Variants in PKHD1L1 observed in about 807,000 individuals in gnomAD.
The protein encoded by PKHD1L1 is PKHD1 like 1, also known as fibrocystin-L.
A neutral mutation model predicts 462.9 loss-of-function variants in PKHD1L1; 434 were observed. The ratio of observed to expected loss-of-function variants is 0.94; its 90% confidence interval spans 0.87 to 1.02. The LOEUF (loss-of-function observed/expected upper bound fraction) is 1.02. Ranked by LOEUF, PKHD1L1 falls within the 50% of genes least tolerant of loss-of-function variation. PKHD1L1 has a pLI of 0.00. For missense variants in PKHD1L1, 5,202 were observed against 5,096.1 expected (o/e 1.02, Z -0.63); for synonymous variants, 1,781 against 1,750.0 (o/e 1.02, Z -0.44).
At chr8:109,509,998 T>C (rs1819885169) in intron 70 of PKHD1L1, among the ~76,000 whole-genome samples, 1 of 152,120 alleles carries the variant, frequency 6.6e-6, no homozygotes, top group Non-Finnish European at 1.5e-5. Flanking sequence ...TTAAACCTGC[T>C]CAGAAAATGT....
At chr8:109,415,864 GGTGTGTGTGTGTGTGTGT>G (rs552265043) in intron 21 of PKHD1L1, among the ~76,000 whole-genome samples, 1 of 100,408 alleles carries the variant, frequency 1.0e-5, no homozygotes, top group Non-Finnish European at 2.1e-5. Context: ...AAAAAAAAGG[GGTGTGTGTGTGTGTGTGT>G]GTGTGTGTGT....
chr8:109,433,380 A>C (rs966630842), intron 28 of PKHD1L1, among the ~76,000 whole-genome samples, 164 bp downstream of exon 28: 3 of 152,210 alleles, frequency 2.0e-5, no homozygotes, highest in Non-Finnish European at 2.9e-5. Context: ...TGGTCTATAT[A>C]ATGCCTTATC....
At chr8:109,414,910 C>T (rs1198272111) in intron 21 of PKHD1L1, among the ~76,000 whole-genome samples, 1 of 151,632 alleles carries the variant, frequency 6.6e-6, no homozygotes, top group Non-Finnish European at 1.5e-5. Flanking sequence ...GATGCAAAAG[C>T]TGCTGCTCAA....
intron 39 of PKHD1L1, 69 bp from the exon 40 acceptor site, chr8:109,449,269 A>C: frequency 7.1e-7 from 1 of 1,404,510 alleles, no homozygotes; most frequent in South Asian, 1.6e-5. Flanking sequence ...AATAAAGGTA[A>C]AAAATATGTA....
intron 48 of PKHD1L1, among the ~76,000 whole-genome samples, chr8:109,462,388 C>T (rs1157147548): frequency 1.3e-5 from 2 of 152,130 alleles, no homozygotes. Flanking sequence ...AAGTCCATCC[C>T]ATAGGAATCA....
At chr8:109,378,218 A>G (rs139301606) in intron 2 of PKHD1L1, among the ~76,000 whole-genome samples, 1 of 152,194 alleles carries the variant, frequency 6.6e-6, no homozygotes, top group Non-Finnish European at 1.5e-5. Flanking sequence ...CATTTATCCC[A>G]TTATTTATCC....
chr8:109,373,785 G>A (rs1364227497), intron 2 of PKHD1L1, among the ~76,000 whole-genome samples: 4 of 152,162 alleles, frequency 2.6e-5, no homozygotes, highest in African/African-American at 9.7e-5. Context: ...TCAGGAGCAG[G>A]TTGTTCAGTT....
chr8:109,429,653 G>C (rs1265229723), intron 26 of PKHD1L1, among the ~76,000 whole-genome samples, 191 bp downstream of exon 26: 2 of 152,052 alleles, frequency 1.3e-5, no homozygotes, highest in African/African-American at 4.8e-5. Flanking sequence ...TGATAAAATA[G>C]TAGATTTTTT....
chr8:109,418,473 T>C (rs1342695192), intron 21 of PKHD1L1, among the ~76,000 whole-genome samples: 1 of 152,232 alleles, frequency 6.6e-6, no homozygotes, highest in South Asian at 2.1e-4. Flanking sequence ...GAAATACTTA[T>C]ATATGTGTTA....
intron 77 of PKHD1L1, among the ~76,000 whole-genome samples, chr8:109,527,346 AT>A (rs1820869741): frequency 6.6e-6 from 1 of 151,852 alleles, no homozygotes; most frequent in Non-Finnish European, 1.5e-5. Context: ...TACTAAAAAT[AT>A]AAAAAAATTA....
chr8:109,378,681 C>T (rs1202548105), intron 2 of PKHD1L1, among the ~76,000 whole-genome samples: 1 of 152,154 alleles, frequency 6.6e-6, no homozygotes, highest in East Asian at 1.9e-4. Flanking sequence ...CTATCAGCCT[C>T]TCTGGTAGGC....
chr8:109,426,678 C>T (rs917343659), intron 24 of PKHD1L1, among the ~76,000 whole-genome samples: 5 of 151,854 alleles, frequency 3.3e-5, no homozygotes, highest in East Asian at 1.9e-4. Flanking sequence ...TTTTTTGAGA[C>T]GGAGTCTCGC....
Position 109,381,454 on chromosome 8 carries a change from C to T in PKHD1L1, c.248C>T (p.Ser83Leu). The T allele has an allele frequency of 6.3e-7, 1 of 1,583,774 alleles. No homozygotes were observed. Among genetic ancestry groups the T allele is most frequent in the Non-Finnish European group, 8.6e-7 (1 of 1,162,544 alleles). Residue 83 changes from serine (S) to leucine (L), a missense_variant, in exon 3 of 78, where the codon TCA (serine) becomes TTA (leucine). This residue lies in a region of PKHD1L1 where 4,497 missense variants were observed against 4,336.8 expected (regional missense o/e 1.04). Transcript: ENST00000378402. ...GTGCAATTAATTTCTTCTTTCCAGT[C>T]AATTACTTGTGATGTAGAAAAAGAT... ...NSVQLISSFQ[S>L]ITCDVEKDAS... is the part of the protein sequence containing the mutation.
chr8:109,499,786 A>C (rs1819308604), intron 67 of PKHD1L1, among the ~76,000 whole-genome samples: 1 of 152,224 alleles, frequency 6.6e-6, no homozygotes, highest in African/African-American at 2.4e-5. Context: ...GGGAAGGAAG[A>C]GAACAGGGCA....
Position 109,440,800 on chromosome 8 carries a change from C to T in PKHD1L1, c.4047C>T (p.Thr1349=). 1 of 1,612,994 alleles carries T rather than the reference C, an allele frequency of 6.2e-7. No individual in the cohort carries two copies. The highest frequency in any genetic ancestry group is 2.2e-5 in the East Asian group (1 of 44,786). The change falls in exon 33 of 78, where the codon ACC becomes ACT. Residue 1349 remains threonine, a synonymous_variant. Coordinates refer to ENST00000378402, the MANE Select transcript of PKHD1L1 (RefSeq NM_177531.6). ...RGSLFGGTEI[T]IRGFGFSTIP... is the part of the protein sequence containing the mutation. ...CCTTGTTTGGTGGAACTGAAATCACCATAAGGGGTTTTGGATTCAGCACAA... is the reference window on the plus strand; with the variant it reads ...CCTTGTTTGGTGGAACTGAAATCACTATAAGGGGTTTTGGATTCAGCACAA...
chr8:109,471,201 C>T (rs760372672), intron 50 of PKHD1L1: 1 of 906,812 alleles, frequency 1.1e-6, no homozygotes, highest in Non-Finnish European at 1.6e-6. Context: ...TCATTTTTTA[C>T]TTGAATCAGA....
chr8:109,439,178 T>G, intron 32 of PKHD1L1, 86 bp downstream of exon 32: 1 of 1,242,702 alleles, frequency 8.0e-7, no homozygotes. Context: ...GGCATTAAGC[T>G]TTAGGTGTTA....
intron 47 of PKHD1L1, among the ~76,000 whole-genome samples, chr8:109,460,205 G>A (rs1049391929): frequency 6.6e-6 from 1 of 151,988 alleles, no homozygotes; most frequent in Admixed American, 6.6e-5. Flanking sequence ...AATATTGTCA[G>A]CAAGAAACTG....
At position 109,522,814 on chromosome 8, in the gene PKHD1L1, T is replaced by G; in HGVS notation, c.12254T>G (p.Val4085Gly). 1 of 1,612,608 alleles carries G rather than the reference T, an allele frequency of 6.2e-7. No individual in the cohort carries two copies. The highest frequency in any genetic ancestry group is 2.2e-5 in the East Asian group (1 of 44,826). ...HHVAFVSSLL[V>G]ITQPVAAQPG... is the part of the protein sequence containing the mutation. ...GTGGCCTTCGTGTCCTCACTCTTAG[T>G]GATCACTCAGCCGGTGGCAGCACAG... is the stretch of plus-strand genomic sequence containing the variant. Residue 4085 changes from valine to glycine, a missense_variant, in exon 75 of 78, where the codon GTG (valine) becomes GGG (glycine). Around this residue, in one of 3 missense-constraint regions of PKHD1L1, gnomAD observed 698 missense variants for 736.3 expected, o/e 0.95. Transcript: ENST00000378402.
Sources: allele counts gnomAD v4.1 joint callset (sites outside exome capture counted in the v4.1 genomes callset), GRCh38; gene constraint gnomAD v4.1.1; regional missense constraint gnomAD v4.1.1; transcripts MANE v1.5; gene names NCBI Gene and HGNC (gene_info 2026-07-23, HGNC 2026-07-21).